Variants in GMDS observed in about 807,000 individuals in gnomAD.
GMDS encodes the protein GDP-mannose 4,6 dehydratase.
In GMDS, 20 loss-of-function variants were observed where a neutral mutation model predicts 49.9. The ratio of observed to expected loss-of-function variants is 0.40; its 90% CI spans 0.28 to 0.58. The LOEUF is 0.58. Among genes scored for constraint, GMDS ranks in the 20% least tolerant of loss-of-function variants. GMDS has a pLI of 0.42. For synonymous variants in GMDS, 177 were observed against 178.6 expected, an observed-to-expected ratio of 0.99 and a Z score of 0.07; for missense variants, 362 against 481.4, an observed-to-expected ratio of 0.75 and a Z score of 2.32.
At chr6:1,684,674 C>CT (rs1381194999) in intron 9 of GMDS, among the ~76,000 whole-genome samples, 2 of 152,158 alleles carry the variant, frequency 1.3e-5, no homozygotes, top group African/African-American at 4.8e-5. Flanking sequence ...GCAGGACTGA[C>CT]TACAAAGCAG....
chr6:1,751,594 A>G (rs28863827), intron 7 of GMDS, among the ~76,000 whole-genome samples: 1 of 152,208 alleles, frequency 6.6e-6, no homozygotes, highest in Non-Finnish European at 1.5e-5. Context: ...CCCAAGTTCA[A>G]GCGATTCTCT....
At chr6:2,099,318 T>A (rs1490404970) in intron 4 of GMDS, among the ~76,000 whole-genome samples, 2 of 152,158 alleles carry the variant, frequency 1.3e-5, no homozygotes, top group Admixed American at 6.5e-5. Flanking sequence ...ATTAAGAAGC[T>A]TAGTTTTCAT....
intron 4 of GMDS, among the ~76,000 whole-genome samples, chr6:2,073,880 T>C (rs1406520095): frequency 6.6e-6 from 1 of 152,210 alleles, no homozygotes; most frequent in Non-Finnish European, 1.5e-5. Context: ...CCATCATGTA[T>C]ATATACCACA....
At chr6:1,812,349 T>A (rs576862871) in intron 7 of GMDS, among the ~76,000 whole-genome samples, 20 of 152,272 alleles carry the variant, frequency 1.3e-4, no homozygotes, top group Admixed American at 1.3e-3. Context: ...TTTCAGTCCA[T>A]AAACTAGGAC....
intron 7 of GMDS, among the ~76,000 whole-genome samples, chr6:1,922,675 G>A (rs1269475117): frequency 2.0e-5 from 3 of 152,174 alleles, no homozygotes; most frequent in African/African-American, 7.2e-5. Context: ...AGAGAAACGT[G>A]GTTTGACTGG....
chr6:1,684,875 G>T (rs935387950), intron 9 of GMDS, among the ~76,000 whole-genome samples: 1 of 152,104 alleles, frequency 6.6e-6, no homozygotes, highest in Non-Finnish European at 1.5e-5. Flanking sequence ...AATATACACA[G>T]TAAATTATTC....
intron 9 of GMDS, among the ~76,000 whole-genome samples, chr6:1,699,479 C>T (rs1390527546): frequency 6.6e-6 from 1 of 152,138 alleles, no homozygotes; most frequent in East Asian, 1.9e-4. Context: ...ACGTGTCGAT[C>T]CTCTTACGTT....
chr6:2,090,391 G>A (rs376636311), intron 4 of GMDS, among the ~76,000 whole-genome samples: 33 of 152,206 alleles, frequency 2.2e-4, no homozygotes, highest in African/African-American at 7.9e-4. Flanking sequence ...TTTATCTGAC[G>A]ATAGTTATAA....
chr6:1,706,071 G>A (rs1765725292), intron 9 of GMDS, among the ~76,000 whole-genome samples: 1 of 152,250 alleles, frequency 6.6e-6, no homozygotes, highest in South Asian at 2.1e-4. Context: ...GGAGGAAATA[G>A]AATGATTGGT....
rs1233676556 is a variant in GMDS at position 2,226,996 on chromosome 6, A to G, written c.102+18325T>C. 2.0e-5 allele frequency among the ~76,000 whole-genome samples: 3 copies of G among 152,292 alleles called. No homozygotes were observed. The South Asian group carries it at 6.2e-4, about 32-fold the overall frequency. ...ACATTTGCTGAAAAGCAGTGAAGTC[A>G]ATCAGTAACAAGTTAGTCAAAACAA... On this transcript the variant is annotated intron_variant, in intron 1 of 10. Coordinates refer to ENST00000380815, the MANE Select transcript of GMDS (RefSeq NM_001500.4).
At chr6:1,997,184 AATAG>A (rs1463793282) in intron 4 of GMDS, among the ~76,000 whole-genome samples, 1 of 152,018 alleles carries the variant, frequency 6.6e-6, no homozygotes, top group African/African-American at 2.4e-5. Context: ...CTGAGGAAGG[AATAG>A]GTCTCAGTTA....
chr6:2,127,077 T>C (rs1393073100), intron 1 of GMDS, among the ~76,000 whole-genome samples: 1 of 152,204 alleles, frequency 6.6e-6, no homozygotes, highest in African/African-American at 2.4e-5. Context: ...AAAATATATG[T>C]CAGATAATGA....
rs1768953842 is a variant in GMDS, at chr6:1,778,799, G to A, written c.772-36213C>T. 6.6e-6 allele frequency among the ~76,000 whole-genome samples: 1 copy of A among 152,090 alleles called. No individual in the cohort carries two copies. The highest frequency in any genetic ancestry group is 1.5e-5 in the Non-Finnish European group (1 of 68,008). On this transcript the variant is annotated intron_variant, in intron 7 of 10. Transcript: ENST00000380815. The surrounding 1 kb of genome is among the most constrained non-coding windows in gnomAD (Gnocchi z 4.6). ...CAGCAGCCTGACCAGTGTGGGCCAG[G>A]ACTGTACCAGCTCTGCAGTCAGAAC...
intron 1 of GMDS, among the ~76,000 whole-genome samples, chr6:2,125,097 T>C (rs565219825): frequency 1.3e-5 from 2 of 152,254 alleles, no homozygotes; most frequent in South Asian, 4.2e-4. Context: ...CTTGGTGTCA[T>C]AGCAACATAA....
chr6:2,078,682 A>T (rs1046012341), intron 4 of GMDS, among the ~76,000 whole-genome samples: 3 of 152,076 alleles, frequency 2.0e-5, no homozygotes. Flanking sequence ...GTGGCCTAAC[A>T]GTCTATTCTG....
chr6:2,093,125 G>A (rs1485953401), intron 4 of GMDS, among the ~76,000 whole-genome samples: 1 of 152,130 alleles, frequency 6.6e-6, no homozygotes, highest in Non-Finnish European at 1.5e-5. Context: ...TATTTCCATT[G>A]TGACCAGTCT....
At chr6:1,661,822 T>G (rs1256175199) in intron 9 of GMDS, among the ~76,000 whole-genome samples, 1 of 151,992 alleles carries the variant, frequency 6.6e-6, no homozygotes, top group African/African-American at 2.4e-5. Context: ...TCCCTGCTGC[T>G]GAGGCGGACT....
At chr6:1,817,654 C>T (rs1181950792) in intron 7 of GMDS, among the ~76,000 whole-genome samples, 1 of 152,150 alleles carries the variant, frequency 6.6e-6, no homozygotes, top group African/African-American at 2.4e-5. Context: ...TACTCTGTAG[C>T]AGAACAAACA....
intron 7 of GMDS, among the ~76,000 whole-genome samples, chr6:1,888,524 G>C (rs556016821): frequency 6.6e-6 from 1 of 152,174 alleles, no homozygotes; most frequent in Admixed American, 6.5e-5. Flanking sequence ...CTTACACGAG[G>C]GGATTATGGG....
Sources: gnomAD v4.1 joint callset for allele counts (sites outside exome capture counted in the v4.1 genomes callset) on GRCh38, gnomAD v4.1.1 for gene constraint, Gnocchi (gnomAD v3.1) non-coding constraint, MANE v1.5 for transcripts, NCBI Gene and HGNC (gene_info 2026-07-23, HGNC 2026-07-21) for gene names.